CNTRL: variants seen among roughly 807,000 people sequenced by gnomAD.
CNTRL encodes the protein centriolin.
In CNTRL, 233 loss-of-function variants were observed where a neutral mutation model predicts 303.7. The ratio of observed to expected loss-of-function variants is 0.77; its 90% confidence interval spans 0.69 to 0.86. The LOEUF is 0.86. Among genes scored for constraint, CNTRL ranks in the 40% least tolerant of loss-of-function variants. The probability of loss-of-function intolerance (pLI) is 0.00; values close to 1 mark genes in which losing one functional copy is unlikely to be tolerated. For missense variants in CNTRL, 2,524 were observed against 2,650.6 expected (o/e 0.95, Z 1.05); for synonymous variants, 900 against 922.2 (o/e 0.98, Z 0.44).
At position 121,141,385 on chromosome 9, in the gene CNTRL, C is replaced by T; in HGVS notation, c.2488C>T (p.His830Tyr). Residue 830 changes from histidine (H) to tyrosine (Y), a missense_variant, in exon 18 of 44, where the codon CAT becomes TAT. Physicochemically the swap from His to Tyr is moderately conservative, Grantham distance 83. Transcript: ENST00000373855. ...LKLGTGEMNI[H>Y]SPSDVLGKSL... is the part of the protein sequence containing the mutation. ...ATTTTTCCCCCTCCTTACTAGCATC[C>T]ATAGTCCTTCAGATGTCTTAGGGAA... The T allele has an allele frequency of 3.7e-6, 6 of 1,611,498 alleles. No homozygotes were observed. Among genetic ancestry groups the T allele is most frequent in the Non-Finnish European group, 5.1e-6 (6 of 1,177,936 alleles).
chr9:121,149,806 T>A (rs139241343), intron 24 of CNTRL, among the ~76,000 whole-genome samples: 7 of 152,328 alleles, frequency 4.6e-5, no homozygotes, highest in Middle Eastern at 3.4e-3. Context: ...TAGTAAGCTA[T>A]CACGTTGGAG....
At chr9:121,122,720 A>G (rs2050297507) in intron 12 of CNTRL, among the ~76,000 whole-genome samples, 2 of 152,174 alleles carry the variant, frequency 1.3e-5, no homozygotes, top group South Asian at 2.1e-4. Context: ...TTTAAAAGGA[A>G]GGGTTAGACT....
At chr9:121,176,623 CAG>C (rs796727645) in intron 43 of CNTRL, among the ~76,000 whole-genome samples, 11 of 152,230 alleles carry the variant, frequency 7.2e-5, no homozygotes, top group African/African-American at 1.7e-4. Flanking sequence ...AGGTGGCAGC[CAG>C]AGTTATTTAG....
At chr9:121,136,817 G>T (rs2051223072) in intron 15 of CNTRL, among the ~76,000 whole-genome samples, 1 of 152,158 alleles carries the variant, frequency 6.6e-6, no homozygotes. Flanking sequence ...ACAGATCTCT[G>T]ATTGGTAAAC....
chr9:121,119,269 T>C (rs911765725), intron 12 of CNTRL, among the ~76,000 whole-genome samples: 1 of 151,842 alleles, frequency 6.6e-6, no homozygotes, highest in African/African-American at 2.4e-5. Context: ...CTTACCTTTC[T>C]CTCTCCTTGC....
chr9:121,161,336 A>G (rs887922352), intron 32 of CNTRL: 1 of 413,880 alleles, frequency 2.4e-6, no homozygotes. Flanking sequence ...TAATATTTAA[A>G]TATCTGTATT....
At chr9:121,076,994 A>G (rs2131930533) in intron 1 of CNTRL, among the ~76,000 whole-genome samples, 1 of 152,232 alleles carries the variant, frequency 6.6e-6, no homozygotes, top group Non-Finnish European at 1.5e-5. Context: ...TTTGGAGATC[A>G]GAGAAGATGG....
At chr9:121,090,472 A>G in intron 4 of CNTRL, 67 bp downstream of exon 4, 4 of 1,444,478 alleles carry the variant, frequency 2.8e-6, no homozygotes, top group Non-Finnish European at 2.8e-6. Flanking sequence ...ATACTGCGAA[A>G]AAAAATTATC....
intron 14 of CNTRL, 74 bp downstream of exon 14, chr9:121,126,010 G>C (rs1349501698): frequency 8.0e-7 from 1 of 1,244,954 alleles, no homozygotes; most frequent in Non-Finnish European, 1.2e-6. Context: ...GTTGGAGGAG[G>C]TAACAGTACA....
chr9:121,094,402 T>C (rs1323065279), intron 4 of CNTRL, among the ~76,000 whole-genome samples: 1 of 152,064 alleles, frequency 6.6e-6, no homozygotes, highest in African/African-American at 2.4e-5. Context: ...ACTGTGATAA[T>C]TAATCCACTC....
At chr9:121,159,776 G>A (rs1461987513) in intron 31 of CNTRL, among the ~76,000 whole-genome samples, 1 of 151,788 alleles carries the variant, frequency 6.6e-6, no homozygotes, top group Admixed American at 6.6e-5. Context: ...CTATCTGCAT[G>A]TTTCCTAGGG....
intron 14 of CNTRL, among the ~76,000 whole-genome samples, chr9:121,128,507 A>G (rs910841051): frequency 6.6e-6 from 1 of 152,050 alleles, no homozygotes; most frequent in African/African-American, 2.4e-5. Flanking sequence ...TTTCTTGTAA[A>G]TTTGTTTAAG....
At chr9:121,150,759 A>C in intron 25 of CNTRL, 2 of 372,088 alleles carry the variant, frequency 5.4e-6, no homozygotes, top group South Asian at 5.2e-5. Context: ...AAAAACAAAA[A>C]CCAAAAAAAC....
chr9:121,116,394 G>T (rs1010359125), intron 11 of CNTRL, among the ~76,000 whole-genome samples: 3 of 150,402 alleles, frequency 2.0e-5, no homozygotes, highest in Middle Eastern at 3.2e-3. Context: ...TTATTTTTTT[G>T]AGACAGGGCC....
chr9:121,107,723 C>T (rs1434548733), intron 7 of CNTRL, 79 bp from the exon 8 acceptor site: 1 of 933,872 alleles, frequency 1.1e-6, no homozygotes, highest in Admixed American at 3.6e-5. Context: ...ACTTTTTTCA[C>T]TATTGTTTGA....
chr9:121,158,252 A>G, intron 30 of CNTRL, 143 bp downstream of exon 30: 1 of 933,546 alleles, frequency 1.1e-6, no homozygotes, highest in Admixed American at 2.9e-5. Context: ...TTTGAATCCC[A>G]ACTCAATACA....
In CNTRL at chr9:121,104,605, TAA is replaced by T. The variant is rs1174145948; in HGVS notation, c.809-3193_809-3192del. ...TCAGATAGACTGGAGGACAGCTCAATAAAAAGTGTGTAGACATAAGTAGGTGT... is the reference window on the plus strand; with the variant it reads ...TCAGATAGACTGGAGGACAGCTCAATAAAGTGTGTAGACATAAGTAGGTGT... On this transcript the variant is annotated intron_variant, in intron 7 of 43. Coordinates refer to ENST00000373855, the MANE Select transcript of CNTRL (RefSeq NM_007018.6). Among the ~76,000 whole-genome samples the T allele has an allele frequency of 2.0e-5, 3 of 150,074 alleles. No individual in the cohort carries two copies. The East Asian group carries it at 5.9e-4, about 29-fold the overall frequency.
chr9:121,153,540 A>G (rs968167751), intron 26 of CNTRL, among the ~76,000 whole-genome samples: 1 of 152,126 alleles, frequency 6.6e-6, no homozygotes, highest in Admixed American at 6.6e-5. Context: ...CCACAATTCA[A>G]GGTTAGCAAC....
intron 25 of CNTRL, 47 bp from the exon 26 acceptor site, chr9:121,152,438 C>A (rs2052327871): frequency 6.8e-7 from 1 of 1,478,850 alleles, no homozygotes. Context: ...AGAGAGGAAA[C>A]ATCCTGTGAT....
Sources: allele counts gnomAD v4.1 joint callset (sites outside exome capture counted in the v4.1 genomes callset), GRCh38; gene constraint gnomAD v4.1.1; transcripts MANE v1.5; gene names NCBI Gene and HGNC (gene_info 2026-07-23, HGNC 2026-07-21).